TTLL10: variants seen among roughly 807,000 people sequenced by gnomAD.
TTLL10 encodes the protein inactive polyglycylase TTLL10.
In TTLL10, 61 loss-of-function variants were observed where a neutral mutation model predicts 69.0. The ratio of observed to expected loss-of-function variants is 0.88; its 90% CI spans 0.72 to 1.09. TTLL10 has a LOEUF of 1.09. Ranked by LOEUF, TTLL10 falls within the 50% of genes least tolerant of loss-of-function variation. The probability of loss-of-function intolerance (pLI) is 0.00; values close to 1 mark genes in which losing one functional copy is unlikely to be tolerated. For missense variants in TTLL10, 962 were observed against 945.9 expected, an observed-to-expected ratio of 1.02 and a Z score of -0.22; for synonymous variants, 408 against 393.3, an observed-to-expected ratio of 1.04 and a Z score of -0.44.
chr1:1,181,975 C>T lies in TTLL10; in HGVS notation c.830+160C>T, dbSNP rs1010072156. Reference sequence around the variant, plus strand: ...GGCCAGGCCGAGATCCACGCTGACCCCCCAGTGCACACAGAGCTGGGGCAG... The same window carrying T: ...GGCCAGGCCGAGATCCACGCTGACCTCCCAGTGCACACAGAGCTGGGGCAG... On this transcript the variant is annotated intron_variant, in intron 9 of 15. Coordinates refer to ENST00000379289, the MANE Select transcript of TTLL10 (RefSeq NM_001130045.2). This position sits in a 1 kb window ranked among gnomAD's most constrained non-coding sequence, Gnocchi z 4.6. Among the ~76,000 whole-genome samples, 2 of 152,262 alleles carry T rather than the reference C, an allele frequency of 1.3e-5. No individual in the cohort carries two copies. The highest frequency in any genetic ancestry group is 6.5e-5 in the Admixed American group (1 of 15,284).
chr1:1,181,666 A>C lies in TTLL10; in HGVS notation c.756-75A>C. On this transcript the variant is annotated intron_variant, in intron 8 of 15. Transcript: ENST00000379289. The surrounding 1 kb of genome is among the most constrained non-coding windows in gnomAD (Gnocchi z 4.6). ...TCCGCCCACTCACCACCCATGCCCC[A>C]TCCCCCAGTCCCCACCCGCTCCAAG... 2.2e-6 allele frequency: 3 copies of C among 1,375,744 alleles called. No homozygotes were observed. Among genetic ancestry groups the C allele is most frequent in the East Asian group, 2.5e-5 (1 of 39,872 alleles). 85.2% of individuals were successfully genotyped at this position (1,375,744 alleles called of 1,614,324 possible). A position where few individuals can be genotyped will look rare whatever the true frequency, so the allele number is the denominator to read the frequency against.
At chr1:1,178,643 G>A (rs999581354) in intron 3 of TTLL10, among the ~76,000 whole-genome samples, 13 of 152,090 alleles carry the variant, frequency 8.5e-5, no homozygotes, top group African/African-American at 2.2e-4. Flanking sequence ...AAGATCTGTC[G>A]AGGAACTGGC....
At chr1:1,196,355 C>G (rs1648207003) in intron 13 of TTLL10, 1 of 504,886 alleles carries the variant, frequency 2.0e-6, no homozygotes. Flanking sequence ...CAGAGATTTC[C>G]TGTGAGTTTT....
intron 12 of TTLL10, 119 bp from the exon 13 acceptor site, chr1:1,184,850 T>C (rs1647205918): frequency 6.0e-6 from 1 of 167,698 alleles, no homozygotes. Context: ...CCAGGCACCG[T>C]GTGCCCCCAG....
rs1647247520 is a variant in TTLL10 at position 1,185,406 on chromosome 1, C to G, written c.1401+297C>G. The G allele has an allele frequency of 7.9e-7, 1 of 1,266,996 alleles. No individual in the cohort carries two copies. The highest frequency in any genetic ancestry group is 1.5e-5 in the African/African-American group (1 of 65,004). The allele number at this position is 1,266,996 out of a possible 1,614,324, so 78.5% of individuals were successfully genotyped here. On this transcript the variant is annotated intron_variant, in intron 13 of 15. Coordinates refer to ENST00000379289, the MANE Select transcript of TTLL10 (RefSeq NM_001130045.2). The surrounding 1 kb of genome is among the most constrained non-coding windows in gnomAD (Gnocchi z 6.1). ...ACAGCTCGGCTTCAGTGACAGCCAC[C>G]ATGTGAAGAGTCTTTGTTCCTTTCA...
At position 1,184,722 on chromosome 1, in the gene TTLL10, G is replaced by A. The variant is rs543751587; in HGVS notation, c.1261-247G>A. 9.6e-5 allele frequency among the ~76,000 whole-genome samples: 14 copies of A among 146,222 alleles called. No individual in the cohort carries two copies. The South Asian group carries it at 1.6e-3, about 17-fold the overall frequency. ...AGGACAGGCCCTCCGGACAGTCTGG[G>A]AGCCAGTCTCCAGGCACCGTGTGCC... On this transcript the variant is annotated intron_variant, in intron 12 of 15. Coordinates refer to ENST00000379289, the MANE Select transcript of TTLL10 (RefSeq NM_001130045.2).
rs781649098 is a variant in TTLL10, at chr1:1,183,965, G to A, written c.1134G>A (p.Val378=). The change falls in exon 12 of 16, where the codon GTG becomes GTA. Residue 378 remains valine (V), a synonymous_variant. Coordinates refer to ENST00000379289, the MANE Select transcript of TTLL10 (RefSeq NM_001130045.2). ...PLLVDGRKFD[V]RSYLLIACTT... is the part of the protein sequence containing the mutation. ...TGGTGGACGGGAGAAAGTTTGACGT[G>A]CGCTCCTACCTGCTCATTGCCTGCA... 39 of 1,614,076 alleles carry A rather than the reference G, an allele frequency of 2.4e-5. No individual in the cohort carries two copies. Among genetic ancestry groups the A allele is most frequent in the Non-Finnish European group, 3.1e-5 (36 of 1,180,038 alleles).
rs1181631764 is a variant in TTLL10 at position 1,180,288 on chromosome 1, A to G, written c.454A>G (p.Ser152Gly). 1.9e-6 allele frequency: 3 copies of G among 1,593,348 alleles called. No homozygotes were observed. The highest frequency in any genetic ancestry group is 1.3e-5 in the African/African-American group (1 of 74,600). Residue 152 changes from serine to glycine, a missense_variant, in exon 6 of 16, where the codon AGC (serine) becomes GGC (glycine). Transcript: ENST00000379289. ...GGGGGGTGGGAAGCCATCGCCCCAC[A>G]GCACCCGGCCGGGGCCCTTCTTCTA... Reference protein sequence around the residue: ...LLGGGKPSPHSTRPGPFFYIG... With the variant: ...LLGGGKPSPHGTRPGPFFYIG...
At chr1:1,195,624 C>A (rs144245728) in intron 13 of TTLL10, among the ~76,000 whole-genome samples, 1 of 148,674 alleles carries the variant, frequency 6.7e-6, no homozygotes. Flanking sequence ...GGATTACAGA[C>A]GTGAGCCACT....
Position 1,197,918 on chromosome 1 carries a change from A to T in TTLL10, c.*71A>T. 7.3e-7 allele frequency: 1 copy of T among 1,363,180 alleles called. No homozygotes were observed. Among genetic ancestry groups the T allele is most frequent in the Non-Finnish European group, 9.4e-7 (1 of 1,059,500 alleles). The allele number at this position is 1,363,180 out of a possible 1,614,324, so 84.4% of individuals were successfully genotyped here. A position where few individuals can be genotyped will look rare whatever the true frequency, so the allele number is the denominator to read the frequency against. ...TGCTGCCTGCCCTCAGGGACCTATA[A>T]AGCCCACTTTGCTACAAACACAGTC... is the stretch of plus-strand genomic sequence containing the variant. On this transcript the variant is annotated 3_prime_UTR_variant, in exon 16 of 16. Coordinates refer to ENST00000379289, the MANE Select transcript of TTLL10 (RefSeq NM_001130045.2).
intron 13 of TTLL10, among the ~76,000 whole-genome samples, chr1:1,186,877 G>A (rs1181081106): frequency 1.3e-5 from 2 of 148,698 alleles, no homozygotes; most frequent in Non-Finnish European, 3.0e-5. Flanking sequence ...ACAGAGGCTC[G>A]CTCTGTCGTC....
chr1:1,185,139 G>A lies in TTLL10; in HGVS notation c.1401+30G>A. ...GTCCACTGTGCCCTCCAGTCTGGGA[G>A]TGAGATCCCTCGGGGCGGGGGTGTG... On this transcript the variant is annotated intron_variant, in intron 13 of 15. Coordinates refer to ENST00000379289, the MANE Select transcript of TTLL10 (RefSeq NM_001130045.2). The surrounding 1 kb of genome is among the most constrained non-coding windows in gnomAD (Gnocchi z 6.1). 6.2e-7 allele frequency: 1 copy of A among 1,604,572 alleles called. No individual in the cohort carries two copies. The highest frequency in any genetic ancestry group is 8.5e-7 in the Non-Finnish European group (1 of 1,174,230).
chr1:1,174,562 C>T (rs997080085), intron 3 of TTLL10, 73 bp downstream of exon 3: 4 of 152,288 alleles, frequency 2.6e-5, no homozygotes, highest in Non-Finnish European at 4.4e-5. Flanking sequence ...ACCGTGTCCC[C>T]ACCGAGGGGC....
At position 1,188,296 on chromosome 1, in the gene TTLL10, T is replaced by C. The variant is rs763450784; in HGVS notation, c.1401+3187T>C. 5.8e-4 allele frequency among the ~76,000 whole-genome samples: 89 copies of C among 152,188 alleles called. 2 individuals are homozygous for C. Among genetic ancestry groups the C allele is most frequent in the Non-Finnish European group, 1.6e-4 (11 of 68,044 alleles). On this transcript the variant is annotated intron_variant, in intron 13 of 15. Coordinates refer to ENST00000379289, the MANE Select transcript of TTLL10 (RefSeq NM_001130045.2). ...ATTGGGATATGTGAGTCTTTCAATA[T>C]TGTTCTTTTTCAAGATTATTTTGGC... is the stretch of plus-strand genomic sequence containing the variant.
Position 1,181,691 on chromosome 1 carries a change from G to T in TTLL10, c.756-50G>T, listed in dbSNP as rs1277154525. 11 of 1,529,820 alleles carry T rather than the reference G, an allele frequency of 7.2e-6. No individual in the cohort carries two copies. The highest frequency in any genetic ancestry group is 2.4e-5 in the East Asian group (1 of 41,886). The allele number at this position is 1,529,820 out of a possible 1,614,324, so 94.8% of individuals were successfully genotyped here. ...ATCCCCCAGTCCCCACCCGCTCCAA[G>T]CACCATGAGCTGGCCCCTCAGTCCA... On this transcript the variant is annotated intron_variant, in intron 8 of 15. Coordinates refer to ENST00000379289, the MANE Select transcript of TTLL10 (RefSeq NM_001130045.2). The surrounding 1 kb of genome is among the most constrained non-coding windows in gnomAD (Gnocchi z 4.6).
intron 9 of TTLL10, among the ~76,000 whole-genome samples, 164 bp from the exon 10 acceptor site, chr1:1,182,197 G>A (rs981328738): frequency 4.6e-5 from 7 of 152,200 alleles, no homozygotes; most frequent in Admixed American, 4.6e-4. Flanking sequence ...GGGGGGTGCT[G>A]CAAAGGGGCA....
At chr1:1,180,912 C>A in intron 8 of TTLL10, 52 bp downstream of exon 8, 1 of 1,414,138 alleles carries the variant, frequency 7.1e-7, no homozygotes. Flanking sequence ...CCTACGCCTG[C>A]CCCTGCCCCT....
rs141945105 is a variant in TTLL10 at position 1,178,289 on chromosome 1, G to A, written c.-27-900G>A. ...AAAGCCCTCACCTAAGCCGGGCACA[G>A]TGGCTCACACCTGTTATCCCAGCAC... On this transcript the variant is annotated intron_variant, in intron 3 of 15. Transcript: ENST00000379289. Among the ~76,000 whole-genome samples the A allele has an allele frequency of 2.0e-3, 309 of 152,304 alleles. 2 individuals carry two copies. Among genetic ancestry groups the A allele is most frequent in the African/African-American group, 5.3e-3 (221 of 41,562 alleles).
chr1:1,189,596 C>T (rs1044964232), intron 13 of TTLL10, among the ~76,000 whole-genome samples: 2 of 152,134 alleles, frequency 1.3e-5, no homozygotes, highest in Non-Finnish European at 2.9e-5. Context: ...TAAGGTAACC[C>T]TGGCCTCATA....
Sources: allele counts gnomAD v4.1 joint callset (sites outside exome capture counted in the v4.1 genomes callset), GRCh38; gene constraint gnomAD v4.1.1; non-coding constraint Gnocchi (gnomAD v3.1); transcripts MANE v1.5; gene names NCBI Gene and HGNC (gene_info 2026-07-23, HGNC 2026-07-21).